Variants in PAX3 observed in about 807,000 individuals in gnomAD.
The protein encoded by PAX3 is paired box 3.
Under a neutral mutation model 51.6 loss-of-function variants are expected in PAX3, and 14 were observed. That is an observed-to-expected ratio of 0.27 (90% CI 0.18 to 0.42). The LOEUF (loss-of-function observed/expected upper bound fraction) is 0.42, where lower values mean the gene tolerates loss of function less well. Among genes scored for constraint, PAX3 ranks in the 10% least tolerant of loss-of-function variants. The pLI is 1.00. For missense variants in PAX3, 540 were observed against 642.8 expected, an observed-to-expected ratio of 0.84 and a Z score of 1.73; for synonymous variants, 280 against 253.4, an observed-to-expected ratio of 1.11 and a Z score of -1.00.
intron 5 of PAX3, among the ~76,000 whole-genome samples, chr2:222,222,561 G>A (rs1692237782): frequency 6.6e-6 from 1 of 152,022 alleles, no homozygotes; most frequent in African/African-American, 2.4e-5. Context: ...CCGCCACCAT[G>A]CCCAGCTAAT....
intron 7 of PAX3, among the ~76,000 whole-genome samples, chr2:222,214,000 T>C (rs1691854095): frequency 6.6e-6 from 1 of 152,218 alleles, no homozygotes. Context: ...GGAAAGATTT[T>C]AACGGCAACA....
intron 2 of PAX3, among the ~76,000 whole-genome samples, chr2:222,296,239 A>G (rs1235496715): frequency 1.3e-5 from 2 of 152,254 alleles, no homozygotes; most frequent in African/African-American, 4.8e-5. Flanking sequence ...GATTCTTAGA[A>G]AGGCTGTGAA....
At chr2:222,288,223 A>T (rs1317526762) in intron 4 of PAX3, among the ~76,000 whole-genome samples, 1 of 152,266 alleles carries the variant, frequency 6.6e-6, no homozygotes, top group Non-Finnish European at 1.5e-5. Flanking sequence ...GGCATTCAAC[A>T]ACTGGGAGGC....
At chr2:222,209,640 G>A (rs563636815) in intron 7 of PAX3, among the ~76,000 whole-genome samples, 1 of 137,426 alleles carries the variant, frequency 7.3e-6, no homozygotes, top group Admixed American at 7.8e-5. Flanking sequence ...CCAGAGAATG[G>A]CTTGAGCCCA....
chr2:222,243,006 T>C (rs7590018), intron 4 of PAX3, among the ~76,000 whole-genome samples: 82,901 of 152,064 alleles, frequency 0.55, 23,075 homozygotes, highest in East Asian at 0.83. Flanking sequence ...AAGTTAGTTA[T>C]ACAGAGAGCC....
intron 4 of PAX3, among the ~76,000 whole-genome samples, chr2:222,241,828 A>C (rs1178410085): frequency 6.6e-6 from 1 of 152,244 alleles, no homozygotes. Context: ...CTCACAATTA[A>C]ATATGCATTT....
At chr2:222,234,419 G>T (rs1692722938) in intron 4 of PAX3, among the ~76,000 whole-genome samples, 1 of 152,148 alleles carries the variant, frequency 6.6e-6, no homozygotes, top group African/African-American at 2.4e-5. Flanking sequence ...GCTATGCATT[G>T]CATTATAAAC....
intron 4 of PAX3, among the ~76,000 whole-genome samples, chr2:222,265,646 A>AGAAGGAAG (rs71053065): frequency 0.12 from 13,269 of 109,188 alleles, 1,193 homozygotes; most frequent in African/African-American, 0.13. Context: ...ATCAAAAAAA[A>AGAAGGAAG]GAAGGAAGGA....
At position 222,297,199 on chromosome 2, in the gene PAX3, C is replaced by G. The variant is rs777273543; in HGVS notation, c.100G>C (p.Gly34Arg). The G allele has an allele frequency of 6.3e-7, 1 of 1,583,104 alleles. No homozygotes were observed. The highest frequency in any genetic ancestry group is 1.1e-5 in the South Asian group (1 of 87,218). ...CCGAGCTGGTTGACGCGGCCCTGGC[C>G]GAGGGGAGTGGACACTGTGGGAAGG... Reference protein sequence around the residue: ...GFPLEVSTPLGQGRVNQLGGV... With the variant: ...GFPLEVSTPLRQGRVNQLGGV... The change falls in exon 2 of 9, where the codon GGC (glycine) becomes CGC (arginine). Residue 34 changes from glycine (G) to arginine (R), a missense_variant. Transcript: ENST00000392070.
intron 6 of PAX3, 114 bp downstream of exon 6, chr2:222,221,105 ATGT>A: frequency 1.1e-6 from 1 of 952,280 alleles, no homozygotes; most frequent in Non-Finnish European, 1.7e-6. Flanking sequence ...GGACAACCTG[ATGT>A]ATTACAATTA....
At chr2:222,239,399 T>C (rs1692921666) in intron 4 of PAX3, among the ~76,000 whole-genome samples, 1 of 152,092 alleles carries the variant, frequency 6.6e-6, no homozygotes, top group Non-Finnish European at 1.5e-5. Flanking sequence ...TCCAAGTCAG[T>C]TGAGAGACTT....
chr2:222,220,455 T>C (rs1692150457), intron 6 of PAX3, 101 bp from the exon 7 acceptor site: 2 of 1,102,886 alleles, frequency 1.8e-6, no homozygotes, highest in East Asian at 2.5e-5. Context: ...GGAGCATCTA[T>C]TGATCAAATC....
At position 222,298,726 on chromosome 2, in the gene PAX3, A is replaced by T; in HGVS notation, c.-111T>A. On this transcript the variant is annotated 5_prime_UTR_variant, in exon 1 of 9. Transcript: ENST00000392070. ...TCCGGAGCGTGGAGAGCCCCTCCCC[A>T]AAACGGCTGGAGAGAGAGGGAGGGA... 1 of 1,082,178 alleles carries T rather than the reference A, an allele frequency of 9.2e-7. No homozygotes were observed. The highest frequency in any genetic ancestry group is 2.6e-5 in the East Asian group (1 of 38,766). The allele number at this position is 1,082,178 out of a possible 1,614,324, so 67.0% of individuals were successfully genotyped here.
intron 4 of PAX3, among the ~76,000 whole-genome samples, chr2:222,286,104 AT>A (rs575485603): frequency 2.0e-5 from 3 of 152,180 alleles, no homozygotes; most frequent in Non-Finnish European, 1.5e-5. Context: ...CACCCAGCTA[AT>A]TTTTATATTT....
intron 4 of PAX3, among the ~76,000 whole-genome samples, chr2:222,251,350 C>A (rs1455984356): frequency 6.6e-6 from 1 of 151,758 alleles, no homozygotes; most frequent in Non-Finnish European, 1.5e-5. Flanking sequence ...TGAGAACATG[C>A]GGTATTTGGT....
intron 7 of PAX3, among the ~76,000 whole-genome samples, chr2:222,206,122 C>G (rs1691499226): frequency 6.7e-6 from 1 of 149,696 alleles, no homozygotes; most frequent in South Asian, 2.1e-4. Context: ...TACTACAGGG[C>G]TGGCATTTTG....
At position 222,201,723 on chromosome 2, in the gene PAX3, C is replaced by T. The variant is rs181872465; in HGVS notation, c.1420+221G>A. 321 of 1,459,482 alleles carry T rather than the reference C, an allele frequency of 2.2e-4. 2 individuals carry two copies. The highest frequency in any genetic ancestry group is 2.9e-5 in the African/African-American group (2 of 70,092). 90.4% of individuals were successfully genotyped at this position (1,459,482 alleles called of 1,614,324 possible). A position where few individuals can be genotyped will look rare whatever the true frequency, so the allele number is the denominator to read the frequency against. On this transcript the variant is annotated intron_variant, in intron 8 of 8. Coordinates refer to ENST00000392070, the MANE Select transcript of PAX3 (RefSeq NM_181458.4). ...TTTACCTAGTGGCAATCAGGTTTCA[C>T]GTCTCAACAATTAATAACCGCAAGA... is the stretch of plus-strand genomic sequence containing the variant.
chr2:222,289,142 G>T (rs1449685120), intron 4 of PAX3, among the ~76,000 whole-genome samples: 6 of 152,144 alleles, frequency 3.9e-5, no homozygotes, highest in Non-Finnish European at 2.9e-5. Context: ...CATTCTAAAT[G>T]GTTCTTTAAT....
At chr2:222,230,303 A>G (rs963798544) in intron 5 of PAX3, among the ~76,000 whole-genome samples, 18 of 151,932 alleles carry the variant, frequency 1.2e-4, no homozygotes, top group Admixed American at 6.6e-5. Context: ...TCAGTAAACT[A>G]ACACAGGAAC....
Sources: allele counts gnomAD v4.1 joint callset (sites outside exome capture counted in the v4.1 genomes callset), GRCh38; gene constraint gnomAD v4.1.1; transcripts MANE v1.5; gene names NCBI Gene and HGNC (gene_info 2026-07-23, HGNC 2026-07-21).